SLC24A2: variants seen among roughly 807,000 people sequenced by gnomAD.
SLC24A2 encodes the protein solute carrier family 24 member 2, also known as sodium/potassium/calcium exchanger 2.
Under a neutral mutation model 62.0 loss-of-function variants are expected in SLC24A2, and 36 were observed. That is an observed-to-expected ratio of 0.58 (90% CI 0.44 to 0.77). The LOEUF (loss-of-function observed/expected upper bound fraction) is 0.77, where lower values mean the gene tolerates loss of function less well. Ranked by LOEUF, SLC24A2 falls within the 30% of genes least tolerant of loss-of-function variation. The pLI is 0.00. For missense variants in SLC24A2, 846 were observed against 817.9 expected (o/e 1.03, Z -0.42); for synonymous variants, 358 against 294.0 (o/e 1.22, Z -2.23).
At chr9:20,229,294 T>A in the SLC24A2 span, among the ~76,000 whole-genome samples, 1 of 152,180 alleles carries the variant, frequency 6.6e-6, no homozygotes, top group Non-Finnish European at 1.5e-5. Flanking sequence ...TCAAGTGCTT[T>A]GACCTGTTGT....
the SLC24A2 span, among the ~76,000 whole-genome samples, chr9:20,179,182 G>A: frequency 6.6e-6 from 1 of 152,122 alleles, no homozygotes; most frequent in Non-Finnish European, 1.5e-5. Context: ...GTAAGTGGAA[G>A]ACGACTCTTG....
chr9:20,051,666 T>C, the SLC24A2 span, among the ~76,000 whole-genome samples: 1 of 140,012 alleles, frequency 7.1e-6, no homozygotes, highest in South Asian at 2.4e-4. Flanking sequence ...TCTTTTTTTT[T>C]TTTTTTTTTT....
chr9:19,932,420 G>A, the SLC24A2 span, among the ~76,000 whole-genome samples: 1 of 152,158 alleles, frequency 6.6e-6, no homozygotes, highest in East Asian at 1.9e-4. Context: ...AATATTATGA[G>A]CCTGAATTAA....
the SLC24A2 span, among the ~76,000 whole-genome samples, chr9:19,844,561 C>T: frequency 6.6e-6 from 1 of 151,896 alleles, no homozygotes; most frequent in Admixed American, 6.6e-5. Flanking sequence ...TTTGCAATTG[C>T]TTTTGGGGAT....
At chr9:20,099,837 A>AT in the SLC24A2 span, among the ~76,000 whole-genome samples, 22 of 151,786 alleles carry the variant, frequency 1.4e-4, no homozygotes, top group African/African-American at 5.3e-4. Flanking sequence ...GTCAATAAGG[A>AT]TTTTTTTTCT....
At chr9:20,290,374 T>C in the SLC24A2 span, among the ~76,000 whole-genome samples, 1 of 152,256 alleles carries the variant, frequency 6.6e-6, no homozygotes, top group Non-Finnish European at 1.5e-5. Context: ...ATGTACAGTT[T>C]CTTGTCAGTT....
chr9:20,287,355 G>T, the SLC24A2 span, among the ~76,000 whole-genome samples: 28 of 152,254 alleles, frequency 1.8e-4, no homozygotes, highest in South Asian at 4.6e-3. Flanking sequence ...GGAGGCTGCG[G>T]GAGGGTCATA....
chr9:19,786,900 A>C lies in SLC24A2; in HGVS notation c.-34T>G, dbSNP rs376971030. 2 of 1,601,744 alleles carry C rather than the reference A, an allele frequency of 1.2e-6. No homozygotes were observed. Among genetic ancestry groups the C allele is most frequent in the African/African-American group, 2.7e-5 (2 of 74,820 alleles). ...TTCTGGTGGATATGGTGATCTTCCA[A>C]CTTTAGACTCAACCAGATGGTTCTT... is the stretch of plus-strand genomic sequence containing the variant. On this transcript the variant is annotated 5_prime_UTR_variant, in exon 2 of 11. Transcript: ENST00000341998. This position sits in a 1 kb window ranked among gnomAD's most constrained non-coding sequence, Gnocchi z 5.0.
At chr9:19,740,003 T>C (rs1201097746) in intron 2 of SLC24A2, among the ~76,000 whole-genome samples, 2 of 151,978 alleles carry the variant, frequency 1.3e-5, no homozygotes, top group African/African-American at 4.8e-5. Flanking sequence ...CATCAGAAAA[T>C]GTGCTCATCA....
At chr9:19,966,753 T>C in the SLC24A2 span, among the ~76,000 whole-genome samples, 1 of 152,072 alleles carries the variant, frequency 6.6e-6, no homozygotes, top group Non-Finnish European at 1.5e-5. Context: ...AAACAAAAAG[T>C]AGATATACAA....
intron 7 of SLC24A2, among the ~76,000 whole-genome samples, chr9:19,556,978 T>C (rs1301273592): frequency 6.6e-6 from 1 of 152,196 alleles, no homozygotes; most frequent in Non-Finnish European, 1.5e-5. Flanking sequence ...TTAGGAGCTT[T>C]AGGCCCCAAG....
the SLC24A2 span, among the ~76,000 whole-genome samples, chr9:20,003,148 C>T: frequency 6.6e-6 from 1 of 152,134 alleles, no homozygotes; most frequent in African/African-American, 2.4e-5. Context: ...AGAGGATTCC[C>T]CCAAAATGTA....
chr9:19,647,233 C>T (rs1002388395), intron 2 of SLC24A2, among the ~76,000 whole-genome samples: 11 of 141,360 alleles, frequency 7.8e-5, no homozygotes, highest in African/African-American at 2.8e-4. Context: ...CTATGTATCC[C>T]CCATAGAAAC....
the SLC24A2 span, among the ~76,000 whole-genome samples, chr9:19,917,293 C>G: frequency 0.98 from 147,122 of 150,012 alleles, 72,208 homozygotes; most frequent in East Asian, 1. Context: ...ATAATATTTT[C>G]TTTGTTATGG....
the SLC24A2 span, among the ~76,000 whole-genome samples, chr9:20,238,147 C>G: frequency 6.6e-6 from 1 of 152,178 alleles, no homozygotes; most frequent in Non-Finnish European, 1.5e-5. Context: ...TATTCAGATT[C>G]AACTACATTT....
intron 2 of SLC24A2, among the ~76,000 whole-genome samples, chr9:19,648,584 T>C (rs1818708704): frequency 6.6e-6 from 1 of 152,044 alleles, no homozygotes; most frequent in Non-Finnish European, 1.5e-5. Flanking sequence ...AATTCACCTG[T>C]AGAAAGAAAG....
chr9:19,656,267 T>C (rs1338107600), intron 2 of SLC24A2, among the ~76,000 whole-genome samples: 3 of 152,154 alleles, frequency 2.0e-5, no homozygotes, highest in African/African-American at 7.2e-5. Context: ...AAAATGAAGA[T>C]GGAAATACTA....
At chr9:20,041,611 G>C in the SLC24A2 span, among the ~76,000 whole-genome samples, 1 of 152,286 alleles carries the variant, frequency 6.6e-6, no homozygotes, top group South Asian at 2.1e-4. Flanking sequence ...ATAGAGGAAA[G>C]ACATGGACCC....
chr9:20,227,664 C>A, the SLC24A2 span, among the ~76,000 whole-genome samples: 1 of 151,970 alleles, frequency 6.6e-6, no homozygotes, highest in Non-Finnish European at 1.5e-5. Context: ...CTGCTATCAG[C>A]GTGGCCTTGG....
Sources: allele counts gnomAD v4.1 joint callset (sites outside exome capture counted in the v4.1 genomes callset), GRCh38; gene constraint gnomAD v4.1.1; non-coding constraint Gnocchi (gnomAD v3.1); transcripts MANE v1.5; gene names NCBI Gene and HGNC (gene_info 2026-07-23, HGNC 2026-07-21).